Variants in APBB1IP observed in about 807,000 individuals in gnomAD.
APBB1IP encodes the protein amyloid beta precursor protein binding family B member 1 interacting protein.
A neutral mutation model predicts 64.9 loss-of-function variants in APBB1IP; 27 were observed. That is an observed-to-expected ratio of 0.42 (90% CI 0.31 to 0.57). APBB1IP has a LOEUF of 0.57. Ranked by LOEUF, APBB1IP falls within the 20% of genes least tolerant of loss-of-function variation. The pLI is 0.20. For missense variants in APBB1IP, 812 were observed against 845.5 expected (o/e 0.96, Z 0.49); for synonymous variants, 392 against 331.0 (o/e 1.18, Z -2.00).
intron 8 of APBB1IP, among the ~76,000 whole-genome samples, chr10:26,525,937 C>T (rs1339891121): frequency 3.9e-5 from 6 of 152,138 alleles, no homozygotes; most frequent in Non-Finnish European, 1.5e-5. Flanking sequence ...CATTCCTTTC[C>T]TCTGGGTATA....
At chr10:26,506,240 C>CGT (rs749032786) in intron 6 of APBB1IP, among the ~76,000 whole-genome samples, 1,885 of 45,600 alleles carry the variant, frequency 0.041, 60 homozygotes, top group Admixed American at 0.066. Flanking sequence ...TTAACACTAC[C>CGT]GTGTGTGTGT....
intron 2 of APBB1IP, among the ~76,000 whole-genome samples, chr10:26,466,676 C>T (rs557574349): frequency 1.8e-4 from 27 of 152,300 alleles, no homozygotes; most frequent in African/African-American, 6.3e-4. Context: ...TGGTACATAC[C>T]TGTAGTCCCA....
intron 8 of APBB1IP, among the ~76,000 whole-genome samples, chr10:26,518,623 T>C (rs533123638): frequency 6.6e-6 from 1 of 152,330 alleles, no homozygotes; most frequent in African/African-American, 2.4e-5. Context: ...TAGGGGTTTG[T>C]AGTGGCATCT....
intron 14 of APBB1IP, among the ~76,000 whole-genome samples, chr10:26,565,082 G>C (rs186357616): frequency 2.0e-5 from 3 of 152,270 alleles, no homozygotes; most frequent in Admixed American, 1.3e-4. Context: ...GCCTACGTTT[G>C]CACAAAGCTT....
intron 11 of APBB1IP, among the ~76,000 whole-genome samples, chr10:26,546,643 A>G (rs1445834984): frequency 2.0e-5 from 3 of 152,188 alleles, no homozygotes; most frequent in Non-Finnish European, 4.4e-5. Flanking sequence ...CTTCCTAACT[A>G]TAACACTGTA....
intron 3 of APBB1IP, among the ~76,000 whole-genome samples, chr10:26,494,148 G>A (rs924769010): frequency 1.3e-5 from 2 of 152,198 alleles, no homozygotes; most frequent in South Asian, 4.1e-4. Context: ...TGATTAAACT[G>A]TAAGAACTCA....
intron 6 of APBB1IP, among the ~76,000 whole-genome samples, chr10:26,507,402 C>T (rs569512726): frequency 6.6e-6 from 1 of 152,098 alleles, no homozygotes; most frequent in African/African-American, 2.4e-5. Flanking sequence ...GTGGCTGAGG[C>T]GGGAGGATCC....
At chr10:26,464,830 T>A (rs951646899) in intron 2 of APBB1IP, among the ~76,000 whole-genome samples, 3 of 152,240 alleles carry the variant, frequency 2.0e-5, no homozygotes, top group Non-Finnish European at 1.5e-5. Flanking sequence ...TTTGACTCAT[T>A]CAGTTACCAC....
intron 11 of APBB1IP, 78 bp from the exon 12 acceptor site, chr10:26,560,027 T>C: frequency 1.6e-6 from 2 of 1,230,174 alleles, no homozygotes; most frequent in South Asian, 1.2e-5. Flanking sequence ...AGAGATTTTT[T>C]TTAAATTTCC....
intron 4 of APBB1IP, among the ~76,000 whole-genome samples, chr10:26,499,935 G>A (rs1380820900): frequency 6.6e-6 from 1 of 152,126 alleles, no homozygotes; most frequent in African/African-American, 2.4e-5. Flanking sequence ...TCTTGGCTGG[G>A]CACAGTGGCT....
intron 14 of APBB1IP, among the ~76,000 whole-genome samples, chr10:26,564,536 C>G (rs1259712045): frequency 1.3e-5 from 2 of 152,194 alleles, no homozygotes; most frequent in Non-Finnish European, 2.9e-5. Context: ...GACATAGTGG[C>G]TCACGCCTGT....
At chr10:26,558,146 C>CAA (rs1836917913) in intron 11 of APBB1IP, among the ~76,000 whole-genome samples, 1 of 151,286 alleles carries the variant, frequency 6.6e-6, no homozygotes, top group African/African-American at 2.4e-5. Context: ...CACAAACACA[C>CAA]ACACACACAC....
intron 10 of APBB1IP, among the ~76,000 whole-genome samples, chr10:26,538,073 G>A (rs1836650313): frequency 6.6e-6 from 1 of 151,940 alleles, no homozygotes; most frequent in Non-Finnish European, 1.5e-5. Flanking sequence ...GAAAAGAAGA[G>A]GCAAAGACTG....
chr10:26,512,574 A>C (rs1461465695), intron 7 of APBB1IP, among the ~76,000 whole-genome samples: 1 of 152,058 alleles, frequency 6.6e-6, no homozygotes, highest in Admixed American at 6.6e-5. Flanking sequence ...GTGGAAAAAA[A>C]GGTTAACTGA....
intron 8 of APBB1IP, among the ~76,000 whole-genome samples, chr10:26,531,499 C>G (rs932876764): frequency 3.9e-5 from 6 of 152,044 alleles, no homozygotes; most frequent in Non-Finnish European, 7.4e-5. Context: ...AACCCCATCT[C>G]TACTAAAAAT....
chr10:26,461,947 T>C (rs1835597913), intron 2 of APBB1IP, among the ~76,000 whole-genome samples: 1 of 152,218 alleles, frequency 6.6e-6, no homozygotes, highest in Admixed American at 6.5e-5. Flanking sequence ...TTAATTCTAC[T>C]ATTCACACTA....
chr10:26,536,244 T>C (rs1342395001), intron 10 of APBB1IP, 27 bp downstream of exon 10: 4 of 1,531,362 alleles, frequency 2.6e-6, no homozygotes, highest in African/African-American at 1.4e-5. Context: ...AAAAAGCACT[T>C]AGCAATAAAG....
At chr10:26,488,168 A>T (rs566926746) in intron 2 of APBB1IP, among the ~76,000 whole-genome samples, 72 of 152,240 alleles carry the variant, frequency 4.7e-4, no homozygotes, top group Admixed American at 1.2e-3. Flanking sequence ...ATACCATATT[A>T]GTTGTTTTGG....
At chr10:26,558,450 C>A (rs1332668620) in intron 11 of APBB1IP, among the ~76,000 whole-genome samples, 3 of 152,092 alleles carry the variant, frequency 2.0e-5, no homozygotes, top group African/African-American at 7.2e-5. Flanking sequence ...TAGTTCCCAC[C>A]TTCATGGAAG....
Sources: gnomAD v4.1 joint callset for allele counts (sites outside exome capture counted in the v4.1 genomes callset) on GRCh38, gnomAD v4.1.1 for gene constraint, MANE v1.5 for transcripts, NCBI Gene and HGNC (gene_info 2026-07-23, HGNC 2026-07-21) for gene names.